The following MAP4K4 variants were observed in gnomAD, a reference collection of about 807,000 sequenced individuals.
The protein encoded by MAP4K4 is mitogen-activated protein kinase kinase kinase kinase 4, also known as HPK/GCK-like kinase HGK.
In MAP4K4, 38 loss-of-function variants were observed where a neutral mutation model predicts 189.6. The ratio of observed to expected loss-of-function variants is 0.20; its 90% CI spans 0.15 to 0.26. The LOEUF is 0.26. Among genes scored for constraint, MAP4K4 ranks in the 10% least tolerant of loss-of-function variants. MAP4K4 has a pLI of 1.00. For synonymous variants in MAP4K4, 610 were observed against 624.3 expected (o/e 0.98, Z 0.34); for missense variants, 1,054 against 1,726.9 (o/e 0.61, Z 6.91).
intron 2 of MAP4K4, among the ~76,000 whole-genome samples, chr2:101,762,578 C>T (rs544279977): frequency 2.5e-4 from 38 of 152,242 alleles, no homozygotes; most frequent in African/African-American, 7.0e-4. Context: ...AGAGGTAAAA[C>T]GGCTAAGTGG....
intron 2 of MAP4K4, among the ~76,000 whole-genome samples, chr2:101,716,576 G>A (rs1182857072): frequency 6.6e-6 from 1 of 152,074 alleles, no homozygotes; most frequent in Non-Finnish European, 1.5e-5. Flanking sequence ...CCCATCAGAT[G>A]GTGGTACTAT....
chr2:101,867,785 T>C (rs758343037), intron 20 of MAP4K4: 1 of 482,544 alleles, frequency 2.1e-6, no homozygotes, highest in Non-Finnish European at 3.7e-6. Flanking sequence ...TACCTTCTGC[T>C]TTTTGGTACC....
At chr2:101,827,273 G>T (rs1317601896) in intron 5 of MAP4K4, among the ~76,000 whole-genome samples, 1 of 152,072 alleles carries the variant, frequency 6.6e-6, no homozygotes, top group Non-Finnish European at 1.5e-5. Context: ...AGCTTCCTTT[G>T]CCTACATGTC....
At chr2:101,724,168 G>A (rs183908684) in intron 2 of MAP4K4, among the ~76,000 whole-genome samples, 189 of 152,250 alleles carry the variant, frequency 1.2e-3, no homozygotes, top group Middle Eastern at 6.8e-3. Context: ...GGTGCTTGGG[G>A]ATGGACCCAG....
chr2:101,703,708 G>A (rs2040371508), intron 2 of MAP4K4, among the ~76,000 whole-genome samples: 1 of 150,320 alleles, frequency 6.7e-6, no homozygotes, highest in Non-Finnish European at 1.5e-5. Context: ...CATATAGATT[G>A]TCTGGCTTTT....
chr2:101,890,756 T>TTTTA (rs757474038), intron 32 of MAP4K4, among the ~76,000 whole-genome samples: 3 of 145,060 alleles, frequency 2.1e-5, no homozygotes, highest in East Asian at 2.1e-4. Flanking sequence ...TGCCCAGCCT[T>TTTTA]TTTATTTATT....
chr2:101,868,673 C>T (rs1264841315), intron 21 of MAP4K4, among the ~76,000 whole-genome samples: 1 of 152,178 alleles, frequency 6.6e-6, no homozygotes, highest in Non-Finnish European at 1.5e-5. Flanking sequence ...TGAAGGAGGG[C>T]GTTAGGGACG....
chr2:101,785,859 C>T (rs2090952648), intron 2 of MAP4K4, among the ~76,000 whole-genome samples: 1 of 151,648 alleles, frequency 6.6e-6, no homozygotes, highest in Non-Finnish European at 1.5e-5. Flanking sequence ...GAGTCTTGCT[C>T]TGTCGCCCAG....
At chr2:101,850,344 T>C (rs935442545) in intron 12 of MAP4K4, among the ~76,000 whole-genome samples, 8 of 152,212 alleles carry the variant, frequency 5.3e-5, no homozygotes, top group African/African-American at 1.9e-4. Context: ...ATTGTAACAC[T>C]AGGAAAACAT....
Position 101,888,736 on chromosome 2 carries a change from A to G in MAP4K4, c.3932-60A>G. 4 of 1,299,732 alleles carry G rather than the reference A, an allele frequency of 3.1e-6. No individual in the cohort carries two copies. In the South Asian group the frequency reaches 7.3e-5, roughly 24 times the overall value. The allele number at this position is 1,299,732 out of a possible 1,614,324, so 80.5% of individuals were successfully genotyped here. A position where few individuals can be genotyped will look rare whatever the true frequency, so the allele number is the denominator to read the frequency against. ...AAAATATATTTTTATTAAGTAAGCAACATCTTTTCAGGGCTGTTTCCTCAT... is the reference window on the plus strand; with the variant it reads ...AAAATATATTTTTATTAAGTAAGCAGCATCTTTTCAGGGCTGTTTCCTCAT... On this transcript the variant is annotated intron_variant, in intron 31 of 32. Coordinates refer to ENST00000324219, the Ensembl canonical transcript of MAP4K4.
At position 101,745,853 on chromosome 2, in the gene MAP4K4, T is replaced by C. The variant is rs564527550; in HGVS notation, c.124-44867T>C. On this transcript the variant is annotated intron_variant, in intron 2 of 32. Coordinates refer to ENST00000324219, the Ensembl canonical transcript of MAP4K4. ...GTTTGTTGCCTACTTTTTTTTTTTT[T>C]TCCTTTGAGTGAGTCTGCTACTGAG... 2.4e-4 allele frequency among the ~76,000 whole-genome samples: 36 copies of C among 152,178 alleles called. No individual in the cohort carries two copies. The East Asian group carries it at 6.9e-3, about 29-fold the overall frequency.
intron 2 of MAP4K4, among the ~76,000 whole-genome samples, chr2:101,787,331 C>A (rs2091648582): frequency 6.6e-6 from 1 of 152,234 alleles, no homozygotes; most frequent in Non-Finnish European, 1.5e-5. Context: ...TACCCCCAAA[C>A]ATCAGTGAGT....
chr2:101,716,405 T>C (rs935465963), intron 2 of MAP4K4, among the ~76,000 whole-genome samples: 3 of 151,940 alleles, frequency 2.0e-5, no homozygotes, highest in Non-Finnish European at 2.9e-5. Flanking sequence ...ATTGTGTCAT[T>C]GCACTCCAGC....
chr2:101,768,301 G>A (rs1440377200), intron 2 of MAP4K4, among the ~76,000 whole-genome samples: 1 of 152,156 alleles, frequency 6.6e-6, no homozygotes, highest in Non-Finnish European at 1.5e-5. Flanking sequence ...AAGTAACTGA[G>A]CATCGTGATA....
chr2:101,832,374 G>GTT (rs2149435621), intron 7 of MAP4K4, among the ~76,000 whole-genome samples: 1 of 152,170 alleles, frequency 6.6e-6, no homozygotes, highest in South Asian at 2.1e-4. Flanking sequence ...AGGTTACTAT[G>GTT]TTTACAAAAA....
At chr2:101,750,522 AG>A (rs2068283812) in intron 2 of MAP4K4, among the ~76,000 whole-genome samples, 1 of 78,636 alleles carries the variant, frequency 1.3e-5, no homozygotes, top group Admixed American at 1.5e-4. Context: ...GGGTTGGGGG[AG>A]GGGGGAGGGA....
chr2:101,785,364 C>T (rs528032164), intron 2 of MAP4K4, among the ~76,000 whole-genome samples: 11 of 152,208 alleles, frequency 7.2e-5, no homozygotes, highest in South Asian at 4.2e-4. Flanking sequence ...GGCTCTGTGA[C>T]GGAAGGTTGG....
chr2:101,747,213 G>A (rs1314393130), intron 2 of MAP4K4, among the ~76,000 whole-genome samples: 3 of 152,088 alleles, frequency 2.0e-5, no homozygotes, highest in African/African-American at 4.8e-5. Context: ...CCGCCTCCTG[G>A]GTTCATGCGA....
intron 2 of MAP4K4, among the ~76,000 whole-genome samples, chr2:101,718,678 A>C (rs1454082526): frequency 6.6e-6 from 1 of 151,770 alleles, no homozygotes; most frequent in Non-Finnish European, 1.5e-5. Flanking sequence ...AGAGGAGCAG[A>C]AGTTGCCAGT....
Sources: allele counts gnomAD v4.1 joint callset (sites outside exome capture counted in the v4.1 genomes callset), GRCh38; gene constraint gnomAD v4.1.1; transcripts MANE v1.5; gene names NCBI Gene and HGNC (gene_info 2026-07-23, HGNC 2026-07-21).